Variants in POLE2 observed in about 807,000 individuals in gnomAD.
The protein encoded by POLE2 is DNA polymerase epsilon 2, accessory subunit.
In POLE2, 56 loss-of-function variants were observed where a neutral mutation model predicts 79.4. That is an observed-to-expected ratio of 0.71 (90% CI 0.57 to 0.88). The LOEUF (loss-of-function observed/expected upper bound fraction) is 0.88, where lower values mean the gene tolerates loss of function less well. POLE2 is among the 40% of genes least tolerant of loss of function. The pLI, the probability that POLE2 is intolerant of heterozygous loss-of-function variation, is 0.00. For synonymous variants in POLE2, 212 were observed against 214.0 expected, an observed-to-expected ratio of 0.99 and a Z score of 0.08; for missense variants, 598 against 638.9, an observed-to-expected ratio of 0.94 and a Z score of 0.69.
In POLE2 at chr14:49,674,411, TA is replaced by T; in HGVS notation, c.261del (p.Asn87LysfsTer3). 1 of 1,609,276 alleles carries T rather than the reference TA, an allele frequency of 6.2e-7. No individual in the cohort carries two copies. Among genetic ancestry groups the T allele is most frequent in the Non-Finnish European group, 8.5e-7 (1 of 1,176,370 alleles). On this transcript the variant is annotated frameshift_variant, in exon 4 of 19. Transcript: ENST00000216367. LOFTEE classifies it high-confidence loss of function. ...SVDETIEHVF[N>X]IIGAFDIPRF... ...CGTGGAATATCAAATGCTCCTATGA[TA>T]TTGAAAACGTGCTCTCTGAAAAACA... is the stretch of plus-strand genomic sequence containing the variant.
rs1594627074 is a variant in POLE2 at position 49,650,179 on chromosome 14, A to G, written c.1497+86T>C. 10 of 648,868 alleles carry G rather than the reference A, an allele frequency of 1.5e-5. No individual in the cohort carries two copies. The East Asian group carries it at 3.4e-4, about 22-fold the overall frequency. 40.2% of individuals were successfully genotyped at this position (648,868 alleles called of 1,614,324 possible). On this transcript the variant is annotated intron_variant, in intron 17 of 18. Coordinates refer to ENST00000216367, the MANE Select transcript of POLE2 (RefSeq NM_002692.4). ...AATAGCATATTTTTACTTCGACAAT[A>G]ATCTTATTAAATATATATTTTTAAA...
In POLE2 at chr14:49,643,561, T is replaced by C. The variant is rs1414048785; in HGVS notation, c.*91A>G. The C allele has an allele frequency of 2.8e-6, 2 of 718,032 alleles. No homozygotes were observed. Among genetic ancestry groups the C allele is most frequent in the East Asian group, 5.7e-5 (2 of 35,166 alleles). 44.5% of individuals were successfully genotyped at this position (718,032 alleles called of 1,614,324 possible). A position where few individuals can be genotyped will look rare whatever the true frequency, so the allele number is the denominator to read the frequency against. On this transcript the variant is annotated 3_prime_UTR_variant, in exon 19 of 19. Transcript: ENST00000216367. ...AAATTTAAGCAGAACATCCTAAAGT[T>C]TACCATAATTTTATTGTAATATCAG...
chr14:49,656,228 G>A (rs1385318618), intron 10 of POLE2, among the ~76,000 whole-genome samples: 2 of 151,908 alleles, frequency 1.3e-5, no homozygotes, highest in East Asian at 3.9e-4. Flanking sequence ...CGTGGCGGGC[G>A]CCTGTAGTCC....
chr14:49,680,370 C>A (rs896923500), intron 2 of POLE2, among the ~76,000 whole-genome samples: 10 of 150,924 alleles, frequency 6.6e-5, no homozygotes, highest in African/African-American at 2.5e-4. Context: ...AAAAAAAATT[C>A]TCTAAGCTCC....
At chr14:49,682,569 A>G (rs12432216) in intron 2 of POLE2, among the ~76,000 whole-genome samples, 30,861 of 146,134 alleles carry the variant, frequency 0.21, 3,856 homozygotes, top group African/African-American at 0.35. Flanking sequence ...CCCAGGAGGC[A>G]GAGGATGCAG....
At chr14:49,680,584 G>A (rs1334825866) in intron 2 of POLE2, among the ~76,000 whole-genome samples, 1 of 152,056 alleles carries the variant, frequency 6.6e-6, no homozygotes, top group African/African-American at 2.4e-5. Flanking sequence ...TTATAGATAG[G>A]GAAAATACAA....
chr14:49,646,302 G>GTTTTTTTTTTTT lies in POLE2; in HGVS notation c.1565+979_1565+990dup, dbSNP rs1162033821. 6.6e-4 allele frequency among the ~76,000 whole-genome samples: 56 copies of GTTTTTTTTTTTT among 84,566 alleles called. 5 individuals carry two copies. Among genetic ancestry groups the GTTTTTTTTTTTT allele is most frequent in the East Asian group, 2.4e-3 (4 of 1,634 alleles). The allele number at this position is 84,566 out of a possible 152,430, so 55.5% of individuals were successfully genotyped here. A position where few individuals can be genotyped will look rare whatever the true frequency, so the allele number is the denominator to read the frequency against. ...GATTTGGTCAGTTGTTTTTTTGTTG[G>GTTTTTTTTTTTT]TTTTTTTTTTTTTTTTTTTTTTTTT... On this transcript the variant is annotated intron_variant, in intron 18 of 18. Coordinates refer to ENST00000216367, the MANE Select transcript of POLE2 (RefSeq NM_002692.4).
intron 15 of POLE2, among the ~76,000 whole-genome samples, chr14:49,653,458 T>C (rs907605773): frequency 3.3e-5 from 5 of 152,220 alleles, no homozygotes; most frequent in African/African-American, 1.2e-4. Context: ...TAAACTGCTA[T>C]CCATTATTCA....
intron 18 of POLE2, 147 bp downstream of exon 18, chr14:49,647,146 T>A: frequency 3.8e-6 from 2 of 528,676 alleles, no homozygotes; most frequent in Non-Finnish European, 6.8e-6. Context: ...TCACACAGCA[T>A]AACCGTGATA....
Position 49,654,065 on chromosome 14 carries a change from G to A in POLE2, c.1136C>T (p.Pro379Leu). 1.9e-6 allele frequency: 3 copies of A among 1,602,106 alleles called. No individual in the cohort carries two copies. Among genetic ancestry groups the A allele is most frequent in the Non-Finnish European group, 2.6e-6 (3 of 1,169,950 alleles). The change falls in exon 15 of 19, where the codon CCA becomes CTA. Residue 379 changes from proline to leucine, a missense_variant and splice_region_variant. Pro to Leu is a moderately conservative substitution (Grantham distance 98). Transcript: ENST00000216367. Reference sequence around the variant, plus strand: ...ATTAGTGATGCTTTCAGCAAGTGGTGGCCTATAAAAACAATTTATGTGATA... The same window carrying A: ...ATTAGTGATGCTTTCAGCAAGTGGTAGCCTATAAAAACAATTTATGTGATA... ...DPGFGSILPR[P>L]PLAESITNEF...
Position 49,682,642 on chromosome 14 carries a change from A to G in POLE2, c.169+951T>C, listed in dbSNP as rs865851021. ...ACAGTGCAAGACTCCTTCTCAGGGA[A>G]AAAAAAAAAAAAAAAAAAAAAAAAG... On this transcript the variant is annotated intron_variant, in intron 2 of 18. Transcript: ENST00000216367. Among the ~76,000 whole-genome samples the G allele has an allele frequency of 2.7e-3, 271 of 98,552 alleles. 1 individual carries two copies. Among genetic ancestry groups the G allele is most frequent in the African/African-American group, 0.011 (252 of 22,746 alleles). The allele number at this position is 98,552 out of a possible 152,430, so 64.7% of individuals were successfully genotyped here. A position where few individuals can be genotyped will look rare whatever the true frequency, so the allele number is the denominator to read the frequency against.
At chr14:49,647,813 T>G (rs1329574525) in intron 17 of POLE2, among the ~76,000 whole-genome samples, 1 of 152,222 alleles carries the variant, frequency 6.6e-6, no homozygotes, top group African/African-American at 2.4e-5. Flanking sequence ...TGGTTGTGAC[T>G]TAAAATGACA....
intron 11 of POLE2, among the ~76,000 whole-genome samples, 162 bp from the exon 12 acceptor site, chr14:49,655,256 C>T (rs922859046): frequency 6.6e-6 from 1 of 151,982 alleles, no homozygotes. Context: ...TCATTGAGCA[C>T]TTACTATAGG....
At chr14:49,687,795 G>A (rs1311722852) in intron 1 of POLE2, among the ~76,000 whole-genome samples, 1 of 151,972 alleles carries the variant, frequency 6.6e-6, no homozygotes, top group Non-Finnish European at 1.5e-5. Flanking sequence ...CTCCTCCCGG[G>A]TTCAAGCGAT....
intron 3 of POLE2, chr14:49,677,450 G>A: frequency 2.1e-6 from 1 of 465,868 alleles, no homozygotes; most frequent in Non-Finnish European, 3.9e-6. Context: ...CTTGCTTGGA[G>A]ACGAGGGGCA....
chr14:49,680,283 G>A (rs939829683), intron 2 of POLE2, among the ~76,000 whole-genome samples: 1 of 152,082 alleles, frequency 6.6e-6, no homozygotes, highest in Non-Finnish European at 1.5e-5. Context: ...CCAGGGAGGT[G>A]GAGGCTGCAG....
intron 2 of POLE2, among the ~76,000 whole-genome samples, chr14:49,682,581 G>A (rs1277904317): frequency 7.1e-6 from 1 of 141,648 alleles, no homozygotes; most frequent in Non-Finnish European, 1.5e-5. Context: ...AGGATGCAGT[G>A]AGCCGAAATA....
intron 3 of POLE2, 79 bp downstream of exon 3, chr14:49,679,646 T>C (rs757704823): frequency 2.7e-6 from 2 of 732,236 alleles, no homozygotes; most frequent in South Asian, 1.6e-5. Flanking sequence ...TGATCACTAA[T>C]AATTTTCCAA....
intron 2 of POLE2, chr14:49,682,004 C>CTTTTT (rs1157649284): frequency 2.3e-5 from 3 of 132,980 alleles, no homozygotes; most frequent in East Asian, 2.2e-4. Flanking sequence ...TCCACTTATT[C>CTTTTT]TTTTTTTTTT....
Sources: allele counts gnomAD v4.1 joint callset (sites outside exome capture counted in the v4.1 genomes callset), GRCh38; gene constraint gnomAD v4.1.1; transcripts MANE v1.5; gene names NCBI Gene and HGNC (gene_info 2026-07-23, HGNC 2026-07-21).